Variants in GAREM1 observed in about 807,000 individuals in gnomAD.
GAREM1 encodes the protein GRB2-associated and regulator of MAPK protein 1.
Under a neutral mutation model 71.3 loss-of-function variants are expected in GAREM1, and 26 were observed. The observed-to-expected ratio is 0.36, with a 90% CI of 0.27 to 0.51. The LOEUF (loss-of-function observed/expected upper bound fraction) is 0.51, where lower values mean the gene tolerates loss of function less well. Among genes scored for constraint, GAREM1 ranks in the 20% least tolerant of loss-of-function variants. The pLI is 0.95. For synonymous variants in GAREM1, 440 were observed against 433.2 expected, an observed-to-expected ratio of 1.02 and a Z score of -0.20; for missense variants, 1,026 against 1,103.1, an observed-to-expected ratio of 0.93 and a Z score of 0.99.
intron 1 of GAREM1, among the ~76,000 whole-genome samples, chr18:32,411,221 T>C (rs2048412988): frequency 2.0e-5 from 3 of 152,234 alleles, no homozygotes; most frequent in Admixed American, 2.0e-4. Flanking sequence ...ACTTGAACTT[T>C]TATGTTTCAA....
At position 32,267,072 on chromosome 18, in the gene GAREM1, A is replaced by G. The variant is rs1391186711; in HGVS notation, c.*799T>C. On this transcript the variant is annotated 3_prime_UTR_variant, in exon 6 of 6. Transcript: ENST00000269209. Reference sequence around the variant, plus strand: ...ACTATTCCTAAGAGAATCAATGTAGATAACAGTCCCAAAACCTCAACAGAT... The same window carrying G: ...ACTATTCCTAAGAGAATCAATGTAGGTAACAGTCCCAAAACCTCAACAGAT... 6.6e-6 allele frequency: 1 copy of G among 152,232 alleles called. No homozygotes were observed. Among genetic ancestry groups the G allele is most frequent in the Non-Finnish European group, 1.5e-5 (1 of 68,038 alleles). The allele number at this position is 152,232 out of a possible 1,614,324, so 9.4% of individuals were successfully genotyped here.
At chr18:32,400,869 G>A (rs1430502297) in intron 1 of GAREM1, among the ~76,000 whole-genome samples, 1 of 152,140 alleles carries the variant, frequency 6.6e-6, no homozygotes, top group Non-Finnish European at 1.5e-5. Flanking sequence ...AAAGACACAT[G>A]TACACATATG....
intron 4 of GAREM1, among the ~76,000 whole-genome samples, chr18:32,271,194 TA>T (rs1382123434): frequency 2.6e-5 from 4 of 152,056 alleles, no homozygotes; most frequent in Non-Finnish European, 4.4e-5. Context: ...TTTTTTAATT[TA>T]TTTTTTTTAT....
At position 32,267,926 on chromosome 18, in the gene GAREM1, T is replaced by A; in HGVS notation, c.2576A>T (p.Lys859Ile). 6.2e-7 allele frequency: 1 copy of A among 1,614,034 alleles called. No individual in the cohort carries two copies. Among genetic ancestry groups the A allele is most frequent in the Non-Finnish European group, 8.5e-7 (1 of 1,179,946 alleles). ...EILSEDFKLS[K>I]LQVKKIMQFI... ...TTGCATTATCTTCTTCACCTGCAAT[T>A]TGCTCAATTTGAAATCCTCTGAGAG... Residue 859 changes from lysine (K) to isoleucine (I), a missense_variant, in exon 6 of 6, where the codon AAA becomes ATA. By Grantham distance (102) the Lys-to-Ile change is moderately radical. Around this residue, in one of 3 missense-constraint regions of GAREM1, gnomAD observed 636 missense variants for 631.2 expected, o/e 1.01. Coordinates refer to ENST00000269209, the MANE Select transcript of GAREM1 (RefSeq NM_001242409.2).
At chr18:32,391,619 C>T (rs1455322306) in intron 2 of GAREM1, among the ~76,000 whole-genome samples, 1 of 152,114 alleles carries the variant, frequency 6.6e-6, no homozygotes, top group African/African-American at 2.4e-5. Flanking sequence ...TATCTCACTA[C>T]TAGTAGGAAC....
intron 1 of GAREM1, among the ~76,000 whole-genome samples, chr18:32,446,304 T>C (rs1424991283): frequency 1.3e-5 from 2 of 152,078 alleles, no homozygotes; most frequent in Non-Finnish European, 2.9e-5. Context: ...TTATTTGCTG[T>C]AACAAAATTT....
At chr18:32,345,441 G>A (rs556700713) in intron 2 of GAREM1, among the ~76,000 whole-genome samples, 16 of 152,064 alleles carry the variant, frequency 1.1e-4, no homozygotes, top group African/African-American at 3.6e-4. Flanking sequence ...TAAACTACGA[G>A]AACAAAACCT....
At chr18:32,413,220 C>T (rs1212191737) in intron 1 of GAREM1, 13 of 1,605,868 alleles carry the variant, frequency 8.1e-6, no homozygotes, top group East Asian at 2.2e-5. Flanking sequence ...TCTTCGGCGG[C>T]GTCCACGGGC....
At chr18:32,304,463 C>T (rs1242227459) in intron 3 of GAREM1, among the ~76,000 whole-genome samples, 1 of 152,012 alleles carries the variant, frequency 6.6e-6, no homozygotes, top group African/African-American at 2.4e-5. Context: ...TCTTACAGGT[C>T]AAGATGGTAA....
intron 1 of GAREM1, chr18:32,413,380 A>G (rs2048438860): frequency 1.3e-5 from 8 of 627,382 alleles, no homozygotes; most frequent in South Asian, 2.0e-5. Context: ...GTCAATGCTG[A>G]AAACCTAATG....
At chr18:32,469,589 T>G (rs1047181539) in intron 1 of GAREM1, among the ~76,000 whole-genome samples, 1 of 152,072 alleles carries the variant, frequency 6.6e-6, no homozygotes, top group Non-Finnish European at 1.5e-5. Context: ...GAGGAAGGAG[T>G]TGGGTGGGTT....
intron 1 of GAREM1, among the ~76,000 whole-genome samples, chr18:32,410,801 T>G (rs1412358406): frequency 6.6e-6 from 1 of 152,152 alleles, no homozygotes; most frequent in Non-Finnish European, 1.5e-5. Flanking sequence ...CGACTTCGGT[T>G]TTTTGTTCTG....
At chr18:32,271,535 A>G (rs1420803297) in intron 4 of GAREM1, among the ~76,000 whole-genome samples, 2 of 152,178 alleles carry the variant, frequency 1.3e-5, no homozygotes, top group African/African-American at 4.8e-5. Context: ...GATCTTGTTT[A>G]AAATGCAGGT....
At chr18:32,338,937 A>C (rs2047623785) in intron 2 of GAREM1, among the ~76,000 whole-genome samples, 1 of 152,172 alleles carries the variant, frequency 6.6e-6, no homozygotes, top group Non-Finnish European at 1.5e-5. Flanking sequence ...GGCTCATCCA[A>C]CCAGCTGAAG....
chr18:32,267,709 G>C lies in GAREM1; in HGVS notation c.*162C>G, dbSNP rs2041393207. 1 of 601,846 alleles carries C rather than the reference G, an allele frequency of 1.7e-6. No individual in the cohort carries two copies. Among genetic ancestry groups the C allele is most frequent in the African/African-American group, 1.9e-5 (1 of 53,876 alleles). 37.3% of individuals were successfully genotyped at this position (601,846 alleles called of 1,614,324 possible). Reference sequence around the variant, plus strand: ...AGCATTTTTATTGATGTACAAAATAGCCTGTTCACCATTCAAAAACGTAAT... The same window carrying C: ...AGCATTTTTATTGATGTACAAAATACCCTGTTCACCATTCAAAAACGTAAT... On this transcript the variant is annotated 3_prime_UTR_variant, in exon 6 of 6. Coordinates refer to ENST00000269209, the MANE Select transcript of GAREM1 (RefSeq NM_001242409.2).
At chr18:32,319,345 A>G (rs2047408766) in intron 2 of GAREM1, among the ~76,000 whole-genome samples, 1 of 152,236 alleles carries the variant, frequency 6.6e-6, no homozygotes, top group African/African-American at 2.4e-5. Context: ...AAGTTCAAAC[A>G]CACTCTTGTA....
At position 32,287,485 on chromosome 18, in the gene GAREM1, G is replaced by T. The variant is rs767047213; in HGVS notation, c.1112C>A (p.Ser371Ter). The change falls in exon 4 of 6, where the codon TCG (serine) becomes TAG (stop). Residue 371 changes from serine to a stop codon, truncating the protein, a stop_gained. Transcript: ENST00000269209. LOFTEE classifies it high-confidence loss of function. The surrounding 1 kb of genome is among the most constrained non-coding windows in gnomAD (Gnocchi z 5.9). ...GAGCTCATCGCGGGCGTAGCTGAGC[G>T]AATTGGGCACGTGGTTGTGGCCAGA... ...RCSGHNHVPN[S>*]LSYARDELTQ... 1 of 1,614,194 alleles carries T rather than the reference G, an allele frequency of 6.2e-7. No homozygotes were observed. Among genetic ancestry groups the T allele is most frequent in the South Asian group, 1.1e-5 (1 of 91,076 alleles).
chr18:32,327,468 T>G (rs577351607), intron 2 of GAREM1, among the ~76,000 whole-genome samples: 3 of 152,260 alleles, frequency 2.0e-5, no homozygotes, highest in African/African-American at 7.2e-5. Flanking sequence ...CACAGAAAAT[T>G]CATTATACTA....
chr18:32,380,474 TAAAAAA>T (rs35881689), intron 2 of GAREM1, among the ~76,000 whole-genome samples: 9 of 92,470 alleles, frequency 9.7e-5, no homozygotes, highest in African/African-American at 2.6e-4. Context: ...AGACTTCATT[TAAAAAA>T]AAAAAAAAAA....
Sources: allele counts gnomAD v4.1 joint callset (sites outside exome capture counted in the v4.1 genomes callset), GRCh38; gene constraint gnomAD v4.1.1; regional missense constraint gnomAD v4.1.1; non-coding constraint Gnocchi (gnomAD v3.1); transcripts MANE v1.5; gene names NCBI Gene and HGNC (gene_info 2026-07-23, HGNC 2026-07-21).